TMEM135: variants seen among roughly 807,000 people sequenced by gnomAD.
TMEM135 encodes the protein peroxisomal membrane protein 52.
TMEM135 carries 30 observed loss-of-function variants against 60.3 expected under a neutral mutation model. The observed-to-expected ratio is 0.50, with a 90% CI of 0.37 to 0.68. The LOEUF is 0.68. Ranked by LOEUF, TMEM135 falls within the 30% of genes least tolerant of loss-of-function variation. The pLI, the probability that TMEM135 is intolerant of heterozygous loss-of-function variation, is 0.00. For synonymous variants in TMEM135, 190 were observed against 186.7 expected, an observed-to-expected ratio of 1.02 and a Z score of -0.14; for missense variants, 468 against 548.8, an observed-to-expected ratio of 0.85 and a Z score of 1.47.
intron 6 of TMEM135, among the ~76,000 whole-genome samples, chr11:87,265,367 A>G (rs1941727446): frequency 6.6e-6 from 1 of 152,016 alleles, no homozygotes; most frequent in Non-Finnish European, 1.5e-5. Flanking sequence ...GTCATCCATG[A>G]AGAATACTGG....
intron 5 of TMEM135, among the ~76,000 whole-genome samples, chr11:87,207,075 A>AT (rs1940251768): frequency 6.6e-6 from 1 of 152,172 alleles, no homozygotes; most frequent in Admixed American, 6.5e-5. Context: ...ATAATCAGAT[A>AT]TTTTTCTGAT....
chr11:87,186,494 T>C (rs1042115426), intron 5 of TMEM135, among the ~76,000 whole-genome samples: 3 of 152,206 alleles, frequency 2.0e-5, no homozygotes, highest in Admixed American at 6.5e-5. Flanking sequence ...GTATAGGATA[T>C]AGGAGTGGAT....
chr11:87,241,694 A>G (rs1421859285), intron 6 of TMEM135, among the ~76,000 whole-genome samples: 1 of 151,976 alleles, frequency 6.6e-6, no homozygotes, highest in Non-Finnish European at 1.5e-5. Context: ...GGTAACCCGT[A>G]TTCTACTGTC....
At chr11:87,197,951 A>G (rs1011057262) in intron 5 of TMEM135, among the ~76,000 whole-genome samples, 1 of 151,682 alleles carries the variant, frequency 6.6e-6, no homozygotes, top group Non-Finnish European at 1.5e-5. Context: ...TTTTATTTTT[A>G]TTTTTTTAGG....
chr11:87,152,562 C>T (rs144068101), intron 4 of TMEM135, among the ~76,000 whole-genome samples: 1,997 of 152,292 alleles, frequency 0.013, 25 homozygotes, highest in African/African-American at 0.046. Context: ...CCTCAGCCTT[C>T]CAAGCAGCTG....
intron 5 of TMEM135, among the ~76,000 whole-genome samples, chr11:87,195,405 CTCTCTG>C (rs1939930398): frequency 5.8e-5 from 8 of 137,216 alleles, no homozygotes; most frequent in Admixed American, 2.4e-4. Context: ...CTCTCTCTCT[CTCTCTG>C]TTTCTCTCTT....
intron 8 of TMEM135, among the ~76,000 whole-genome samples, chr11:87,305,346 G>A (rs180699996): frequency 3.3e-5 from 5 of 152,066 alleles, no homozygotes; most frequent in Admixed American, 6.6e-5. Context: ...TCTCCAGTCC[G>A]TATTCAAGTA....
chr11:87,247,267 G>A (rs1286483844), intron 6 of TMEM135, among the ~76,000 whole-genome samples: 1 of 152,184 alleles, frequency 6.6e-6, no homozygotes, highest in East Asian at 1.9e-4. Context: ...CCCCTACTGG[G>A]GGATGTTTCC....
At chr11:87,267,849 G>A (rs1318829082) in intron 6 of TMEM135, among the ~76,000 whole-genome samples, 3 of 151,910 alleles carry the variant, frequency 2.0e-5, no homozygotes, top group East Asian at 3.9e-4. Flanking sequence ...CCACCACGAC[G>A]CCTGGAGAAT....
intron 5 of TMEM135, among the ~76,000 whole-genome samples, chr11:87,236,226 T>C (rs1940992112): frequency 6.6e-6 from 1 of 151,874 alleles, no homozygotes; most frequent in South Asian, 2.1e-4. Flanking sequence ...TACATATAAG[T>C]ATTGCAATTT....
At chr11:87,124,552 T>C (rs596912) in intron 4 of TMEM135, among the ~76,000 whole-genome samples, 49,712 of 151,930 alleles carry the variant, frequency 0.33, 8,555 homozygotes, top group East Asian at 0.55. Context: ...TTCAATGACA[T>C]TTTTTGAGTC....
At chr11:87,205,470 T>TATA (rs1193685656) in intron 5 of TMEM135, among the ~76,000 whole-genome samples, 4 of 152,288 alleles carry the variant, frequency 2.6e-5, no homozygotes, top group East Asian at 3.9e-4. Flanking sequence ...ATCCAGATAT[T>TATA]GATGGATAAT....
At chr11:87,178,413 G>T (rs547610373) in intron 5 of TMEM135, 1 of 455,984 alleles carries the variant, frequency 2.2e-6, no homozygotes, top group Non-Finnish European at 4.4e-6. Flanking sequence ...GCCCTTTTGA[G>T]TCTGCCTTCC....
chr11:87,222,168 C>G (rs562563015), intron 5 of TMEM135, among the ~76,000 whole-genome samples: 17 of 98,340 alleles, frequency 1.7e-4, no homozygotes, highest in Admixed American at 5.9e-4. Context: ...GGCGAAAGAG[C>G]GAGACTCTGT....
In TMEM135 at chr11:87,262,538, T is replaced by G. The variant is rs144635108; in HGVS notation, c.509+25854T>G. Among the ~76,000 whole-genome samples the G allele has an allele frequency of 5.6e-3, 860 of 152,346 alleles. 12 individuals carry two copies. The highest frequency in any genetic ancestry group is 0.02 in the African/African-American group (818 of 41,590). ...CCTACCTCTACCTATTTTTTATTTT[T>G]AAATTTATTGCTCTGATTTGTAGGA... On this transcript the variant is annotated intron_variant, in intron 6 of 14. Coordinates refer to ENST00000305494, the MANE Select transcript of TMEM135 (RefSeq NM_022918.4).
chr11:87,308,389 A>G (rs1258593608), intron 9 of TMEM135, among the ~76,000 whole-genome samples: 1 of 152,228 alleles, frequency 6.6e-6, no homozygotes, highest in Admixed American at 6.5e-5. Flanking sequence ...AGGCAATTTC[A>G]GTTAAGCAAA....
chr11:87,173,209 G>A (rs1565473517), intron 5 of TMEM135, among the ~76,000 whole-genome samples: 1 of 152,152 alleles, frequency 6.6e-6, no homozygotes, highest in Non-Finnish European at 1.5e-5. Flanking sequence ...AGTAGTTCAA[G>A]TAGTGAAATC....
At chr11:87,038,237 CG>C (rs1381961148) in intron 1 of TMEM135, 51 bp downstream of exon 1, 1 of 1,491,062 alleles carries the variant, frequency 6.7e-7, no homozygotes, top group Non-Finnish European at 9.1e-7. Flanking sequence ...GAAGATGGGC[CG>C]GGGGCTGCAG....
At chr11:87,095,975 C>CAAA (rs34559693) in intron 4 of TMEM135, 6 of 130,776 alleles carry the variant, frequency 4.6e-5, no homozygotes, top group Non-Finnish European at 8.0e-5. Context: ...GACTCCATCT[C>CAAA]AAAAAAAAAA....
Sources: allele counts gnomAD v4.1 joint callset (sites outside exome capture counted in the v4.1 genomes callset), GRCh38; gene constraint gnomAD v4.1.1; transcripts MANE v1.5; gene names NCBI Gene and HGNC (gene_info 2026-07-23, HGNC 2026-07-21).